The following CHMP5 variants were observed in gnomAD, a reference collection of about 807,000 sequenced individuals.
The protein encoded by CHMP5 is charged multivesicular body protein 5.
In CHMP5, 17 loss-of-function variants were observed where a neutral mutation model predicts 33.0. The ratio of observed to expected loss-of-function variants is 0.52; its 90% CI spans 0.35 to 0.77. The LOEUF (loss-of-function observed/expected upper bound fraction) is 0.77, where lower values mean the gene tolerates loss of function less well. CHMP5 is among the 30% of genes least tolerant of loss of function. CHMP5 has a pLI of 0.01. For missense variants in CHMP5, 216 were observed against 261.5 expected (o/e 0.83, Z 1.20); for synonymous variants, 76 against 90.2 (o/e 0.84, Z 0.89).
At chr9:33,268,516 G>A (rs1025505780) in intron 3 of CHMP5, among the ~76,000 whole-genome samples, 14 of 152,156 alleles carry the variant, frequency 9.2e-5, no homozygotes, top group African/African-American at 2.4e-4. Flanking sequence ...ATTAGCTATC[G>A]AGGAGCCAGA....
chr9:33,279,691 G>A (rs570321229), intron 7 of CHMP5, among the ~76,000 whole-genome samples: 283 of 151,740 alleles, frequency 1.9e-3, no homozygotes, highest in African/African-American at 5.7e-3. Flanking sequence ...GTGAAACCCC[G>A]TCTCTACTAA....
intron 5 of CHMP5, among the ~76,000 whole-genome samples, chr9:33,273,557 T>C (rs1286854035): frequency 2.0e-5 from 3 of 152,168 alleles, no homozygotes; most frequent in African/African-American, 7.2e-5. Context: ...TTAGATCGAA[T>C]TTTTTGGTCA....
intron 7 of CHMP5, 46 bp from the exon 8 acceptor site, chr9:33,280,762 TA>T: frequency 1.3e-6 from 2 of 1,491,816 alleles, no homozygotes; most frequent in South Asian, 1.2e-5. Context: ...TTTTTTTTTT[TA>T]TCAAATAGAA....
intron 6 of CHMP5, chr9:33,277,845 TCCAC>T: frequency 3.4e-6 from 1 of 297,266 alleles, no homozygotes. Context: ...TCATTTTTTT[TCCAC>T]TTATTTCTTT....
At chr9:33,271,293 G>A in intron 5 of CHMP5, 70 bp downstream of exon 5, 1 of 1,229,364 alleles carries the variant, frequency 8.1e-7, no homozygotes, top group East Asian at 2.3e-5. Flanking sequence ...GTGTGCATGT[G>A]ATAGGAAGAG....
At chr9:33,278,527 G>A (rs947666791) in intron 7 of CHMP5, among the ~76,000 whole-genome samples, 5 of 152,214 alleles carry the variant, frequency 3.3e-5, no homozygotes, top group Admixed American at 2.6e-4. Flanking sequence ...TCCTGTAAAA[G>A]CGTAAGCAAC....
At chr9:33,265,821 C>T (rs761246914) in intron 1 of CHMP5, among the ~76,000 whole-genome samples, 189 bp from the exon 2 acceptor site, 4 of 152,136 alleles carry the variant, frequency 2.6e-5, no homozygotes, top group Non-Finnish European at 4.4e-5. Flanking sequence ...GGCAGTGTGG[C>T]GGGGGGTAAG....
intron 3 of CHMP5, among the ~76,000 whole-genome samples, chr9:33,269,391 CTACT>C (rs1457405279): frequency 6.6e-6 from 1 of 152,116 alleles, no homozygotes; most frequent in African/African-American, 2.4e-5. Context: ...GTAATCCCAC[CTACT>C]TGGGAGGCTG....
At chr9:33,271,315 A>G (rs1820792354) in intron 5 of CHMP5, 92 bp downstream of exon 5, 2 of 1,031,428 alleles carry the variant, frequency 1.9e-6, no homozygotes, top group Non-Finnish European at 3.0e-6. Context: ...ACAGGAGAGG[A>G]ACTGAATCTT....
At position 33,280,929 on chromosome 9, in the gene CHMP5, A is replaced by C; in HGVS notation, c.*70A>C. 2.3e-6 allele frequency: 3 copies of C among 1,324,302 alleles called. No individual in the cohort carries two copies. Among genetic ancestry groups the C allele is most frequent in the Non-Finnish European group, 3.1e-6 (3 of 953,286 alleles). The allele number at this position is 1,324,302 out of a possible 1,614,324, so 82.0% of individuals were successfully genotyped here. A position where few individuals can be genotyped will look rare whatever the true frequency, so the allele number is the denominator to read the frequency against. ...GGGACTAGGAAATATTTATCTTTCC[A>C]AATTTGCCATAACAGATTTAGGTTT... On this transcript the variant is annotated 3_prime_UTR_variant, in exon 8 of 8. Transcript: ENST00000223500.
chr9:33,270,535 A>C lies in CHMP5; in HGVS notation c.222-88A>C, dbSNP rs898655342. On this transcript the variant is annotated intron_variant, in intron 3 of 7. Transcript: ENST00000223500. ...TTTTTTGTTCCGTTGTTTTTTTTTTAAATACTCTTATTTAGTGTGGGGATA... is the reference window on the plus strand; with the variant it reads ...TTTTTTGTTCCGTTGTTTTTTTTTTCAATACTCTTATTTAGTGTGGGGATA... The C allele has an allele frequency of 3.1e-6, 3 of 981,138 alleles. No individual in the cohort carries two copies. In the African/African-American group the frequency reaches 5.0e-5, roughly 16 times the overall value. The allele number at this position is 981,138 out of a possible 1,614,324, so 60.8% of individuals were successfully genotyped here.
intron 6 of CHMP5, among the ~76,000 whole-genome samples, chr9:33,276,937 C>G (rs1820861871): frequency 6.6e-6 from 1 of 152,056 alleles, no homozygotes; most frequent in South Asian, 2.1e-4. Flanking sequence ...GCCAGGTGCC[C>G]TAATCCCAGC....
At chr9:33,270,509 G>GT (rs1362170898) in intron 3 of CHMP5, 114 bp from the exon 4 acceptor site, 2 of 863,878 alleles carry the variant, frequency 2.3e-6, no homozygotes, top group African/African-American at 1.7e-5. Flanking sequence ...TAATTTTTAA[G>GT]TTTTTTGTTC....
intron 5 of CHMP5, among the ~76,000 whole-genome samples, chr9:33,274,377 T>G (rs562624852): frequency 6.6e-6 from 1 of 152,296 alleles, no homozygotes; most frequent in Admixed American, 6.5e-5. Flanking sequence ...CCCAGCAGAA[T>G]TTTCAAATGT....
intron 2 of CHMP5, among the ~76,000 whole-genome samples, chr9:33,266,762 G>A (rs1027846946): frequency 3.9e-5 from 6 of 152,136 alleles, no homozygotes; most frequent in African/African-American, 1.4e-4. Context: ...AGGTTAGGTT[G>A]GTATATTAGA....
chr9:33,278,850 C>G (rs536789910), intron 7 of CHMP5, among the ~76,000 whole-genome samples: 1 of 152,074 alleles, frequency 6.6e-6, no homozygotes, highest in Non-Finnish European at 1.5e-5. Context: ...AAGTATCTCA[C>G]GTAATTGTTG....
At chr9:33,279,179 C>G (rs544332978) in intron 7 of CHMP5, among the ~76,000 whole-genome samples, 1 of 152,308 alleles carries the variant, frequency 6.6e-6, no homozygotes, top group South Asian at 2.1e-4. Context: ...CCTGCCTCAG[C>G]CTTCCAAAGT....
intron 2 of CHMP5, among the ~76,000 whole-genome samples, chr9:33,267,331 G>C (rs1413601976): frequency 6.6e-6 from 1 of 152,228 alleles, no homozygotes; most frequent in Non-Finnish European, 1.5e-5. Flanking sequence ...GGAAACCAAA[G>C]AATCAGTTTG....
In CHMP5 at chr9:33,279,574, C is replaced by T. The variant is rs538902824; in HGVS notation, c.610-1235C>T. ...CTTGTTAATTTTCTAGTAACAAGTC[C>T]CTGTAGCGGCCAGGCGCGGTGGCTC... On this transcript the variant is annotated intron_variant, in intron 7 of 7. Transcript: ENST00000223500. Among the ~76,000 whole-genome samples, 5 of 152,146 alleles carry T rather than the reference C, an allele frequency of 3.3e-5. No homozygotes were observed. In the East Asian group the frequency reaches 9.7e-4, roughly 30 times the overall value.
Sources: gnomAD v4.1 joint callset for allele counts (sites outside exome capture counted in the v4.1 genomes callset) on GRCh38, gnomAD v4.1.1 for gene constraint, MANE v1.5 for transcripts, NCBI Gene and HGNC (gene_info 2026-07-23, HGNC 2026-07-21) for gene names.